Variants in EPHB1 observed in about 807,000 individuals in gnomAD.
The protein encoded by EPHB1 is ephrin type-B receptor 1.
Under a neutral mutation model 94.4 loss-of-function variants are expected in EPHB1, and 30 were observed. The observed-to-expected ratio is 0.32, with a 90% CI of 0.24 to 0.43. The LOEUF (loss-of-function observed/expected upper bound fraction) is 0.43, where lower values mean the gene tolerates loss of function less well. Ranked by LOEUF, EPHB1 falls within the 20% of genes least tolerant of loss-of-function variation. The probability of loss-of-function intolerance (pLI) is 1.00; values close to 1 mark genes in which losing one functional copy is unlikely to be tolerated. For missense variants in EPHB1, 1,055 were observed against 1,308.3 expected (o/e 0.81, Z 2.99); for synonymous variants, 522 against 489.1 (o/e 1.07, Z -0.89).
intron 3 of EPHB1, among the ~76,000 whole-genome samples, chr3:135,079,086 C>CA (rs138343375): frequency 0.18 from 23,993 of 135,146 alleles, 3,753 homozygotes; most frequent in African/African-American, 0.44. Flanking sequence ...TAAAAACAAG[C>CA]AAAAAAAAAA....
intron 3 of EPHB1, among the ~76,000 whole-genome samples, chr3:135,063,250 G>A (rs556466276): frequency 1.3e-5 from 2 of 152,114 alleles, no homozygotes; most frequent in East Asian, 1.9e-4. Context: ...GATGAGGATT[G>A]TGTTAAATTT....
At chr3:135,101,526 A>G (rs1053116076) in intron 3 of EPHB1, among the ~76,000 whole-genome samples, 3 of 151,596 alleles carry the variant, frequency 2.0e-5, no homozygotes, top group South Asian at 4.2e-4. Flanking sequence ...GGCACATGCC[A>G]TGACGCCCAG....
chr3:134,979,282 G>A (rs535762284), intron 3 of EPHB1, among the ~76,000 whole-genome samples: 10 of 152,286 alleles, frequency 6.6e-5, no homozygotes, highest in African/African-American at 2.4e-4. Context: ...TTTGGTAAAG[G>A]AGCATGTTCA....
chr3:134,815,074 A>G (rs553862570), intron 1 of EPHB1, among the ~76,000 whole-genome samples: 2 of 152,350 alleles, frequency 1.3e-5, no homozygotes, highest in South Asian at 2.1e-4. Flanking sequence ...ATTAAAGAAT[A>G]CTTAAGATTC....
intron 3 of EPHB1, among the ~76,000 whole-genome samples, chr3:135,085,935 C>A (rs1234214881): frequency 5.9e-5 from 9 of 152,172 alleles, no homozygotes; most frequent in Admixed American, 5.9e-4. Flanking sequence ...CCACAGTGGG[C>A]TCTGGAAAGA....
intron 12 of EPHB1, among the ~76,000 whole-genome samples, chr3:135,210,903 A>T (rs1327987585): frequency 6.6e-6 from 1 of 152,126 alleles, no homozygotes; most frequent in African/African-American, 2.4e-5. Context: ...TAGAGTCCAA[A>T]TCAGCCGTCA....
chr3:134,827,359 G>A (rs1048813936), intron 1 of EPHB1, among the ~76,000 whole-genome samples: 33 of 120,456 alleles, frequency 2.7e-4, no homozygotes, highest in African/African-American at 8.9e-4. Context: ...GCGCGGGTGC[G>A]CGTGCACACA....
intron 15 of EPHB1, among the ~76,000 whole-genome samples, chr3:135,252,280 A>C (rs1393877238): frequency 6.6e-6 from 1 of 151,120 alleles, no homozygotes; most frequent in East Asian, 1.9e-4. Context: ...TTAGTTACAT[A>C]TGTATACATG....
At chr3:135,207,718 C>A (rs1398198463) in intron 12 of EPHB1, among the ~76,000 whole-genome samples, 1 of 152,238 alleles carries the variant, frequency 6.6e-6, no homozygotes, top group African/African-American at 2.4e-5. Context: ...CAAGCTACCA[C>A]ACCCTGGATG....
intron 12 of EPHB1, among the ~76,000 whole-genome samples, chr3:135,205,834 G>A (rs942470245): frequency 3.9e-5 from 6 of 152,128 alleles, no homozygotes; most frequent in Non-Finnish European, 7.4e-5. Context: ...AGCCATTTTA[G>A]CATACATGTC....
At chr3:134,950,916 T>G (rs1933001838) in intron 2 of EPHB1, among the ~76,000 whole-genome samples, 1 of 152,160 alleles carries the variant, frequency 6.6e-6, no homozygotes, top group Admixed American at 6.5e-5. Flanking sequence ...ATAAAGGAAT[T>G]TCACCACAAT....
chr3:134,840,744 TTAC>T (rs2036760446), intron 1 of EPHB1, among the ~76,000 whole-genome samples: 1 of 152,192 alleles, frequency 6.6e-6, no homozygotes, highest in Non-Finnish European at 1.5e-5. Context: ...GGGTGCCGTT[TTAC>T]AGAGCACAGA....
rs61594362 is a variant in EPHB1 at position 134,959,180 on chromosome 3, T to A, written c.805+7128T>A. On this transcript the variant is annotated intron_variant, in intron 3 of 15. Transcript: ENST00000398015. ...GAACATCACCACGTCAGGAGTCCAA[T>A]AGGGGCCCTAATGCCATCGTTTTCT... Among the ~76,000 whole-genome samples the A allele has an allele frequency of 1.2e-4, 19 of 152,278 alleles. 1 individual carries two copies. The highest frequency in any genetic ancestry group is 4.1e-4 in the African/African-American group (17 of 41,568).
At chr3:135,090,903 G>A (rs1938527741) in intron 3 of EPHB1, among the ~76,000 whole-genome samples, 1 of 152,192 alleles carries the variant, frequency 6.6e-6, no homozygotes, top group Admixed American at 6.5e-5. Flanking sequence ...ATGTGTTTAT[G>A]ACTTCGTGAC....
chr3:134,986,611 A>G (rs1284057407), intron 3 of EPHB1, among the ~76,000 whole-genome samples: 1 of 152,106 alleles, frequency 6.6e-6, no homozygotes, highest in East Asian at 1.9e-4. Flanking sequence ...TTTCCAGTCC[A>G]TATTGGACCT....
Position 135,099,585 on chromosome 3 carries a change from G to A in EPHB1, c.806-6863G>A, listed in dbSNP as rs140190134. 1.2e-3 allele frequency among the ~76,000 whole-genome samples: 179 copies of A among 152,312 alleles called. 2 individuals carry two copies. Among genetic ancestry groups the A allele is most frequent in the Non-Finnish European group, 1.8e-3 (122 of 68,034 alleles). ...AAACCTCATGCCACTTCCTTCTAGG[G>A]AGTTTCACCAGGCCTGAAATTTCAG... On this transcript the variant is annotated intron_variant, in intron 3 of 15. Coordinates refer to ENST00000398015, the MANE Select transcript of EPHB1 (RefSeq NM_004441.5).
intron 3 of EPHB1, among the ~76,000 whole-genome samples, chr3:135,075,699 A>G (rs1937885947): frequency 1.3e-5 from 2 of 152,200 alleles, no homozygotes; most frequent in African/African-American, 4.8e-5. Flanking sequence ...AGCAGCTGGC[A>G]GGAGGCTACT....
At chr3:134,919,928 G>T (rs373464036) in intron 1 of EPHB1, among the ~76,000 whole-genome samples, 2 of 152,142 alleles carry the variant, frequency 1.3e-5, no homozygotes, top group East Asian at 3.9e-4. Context: ...TGGTCTCTGC[G>T]CTTTCAACAG....
At chr3:134,909,250 C>T (rs772978405) in intron 1 of EPHB1, among the ~76,000 whole-genome samples, 31 of 152,076 alleles carry the variant, frequency 2.0e-4, no homozygotes, top group Non-Finnish European at 3.5e-4. Context: ...CTGTGGGGGG[C>T]CTTTCAGGAA....
Sources: allele counts gnomAD v4.1 joint callset (sites outside exome capture counted in the v4.1 genomes callset), GRCh38; gene constraint gnomAD v4.1.1; transcripts MANE v1.5; gene names NCBI Gene and HGNC (gene_info 2026-07-23, HGNC 2026-07-21).